Variants in CHST15 observed in about 807,000 individuals in gnomAD.
CHST15 encodes the protein carbohydrate sulfotransferase 15.
Under a neutral mutation model 53.6 loss-of-function variants are expected in CHST15, and 30 were observed. The ratio of observed to expected loss-of-function variants is 0.56; its 90% CI spans 0.42 to 0.76. The LOEUF (loss-of-function observed/expected upper bound fraction) is 0.76, where lower values mean the gene tolerates loss of function less well. Among genes scored for constraint, CHST15 ranks in the 30% least tolerant of loss-of-function variants. The pLI is 0.00. For synonymous variants in CHST15, 296 were observed against 289.8 expected (o/e 1.02, Z -0.22); for missense variants, 627 against 740.5 (o/e 0.85, Z 1.78).
rs1947889147 is a variant in CHST15, at chr10:124,044,656, A to G, written c.810T>C (p.Tyr270=). 3 of 1,611,538 alleles carry G rather than the reference A, an allele frequency of 1.9e-6. No homozygotes were observed. The highest frequency in any genetic ancestry group is 2.5e-6 in the Non-Finnish European group (3 of 1,178,752). The change falls in exon 3 of 8, where the codon TAT becomes TAC. Residue 270 remains tyrosine (Y), a synonymous_variant. Coordinates refer to ENST00000435907, the MANE Select transcript of CHST15 (RefSeq NM_001270764.2). ...GQPKCGTTDL[Y]DRLRLHPEVK... ...CCTCAGGGTGCAGCCGCAGGCGGTC[A>G]TAGAGGTCTGTGGTCCCGCACTTGG...
At chr10:124,014,279 G>A (rs1335588607) in intron 6 of CHST15, among the ~76,000 whole-genome samples, 1 of 152,212 alleles carries the variant, frequency 6.6e-6, no homozygotes, top group East Asian at 1.9e-4. Context: ...TGGTTCTCGG[G>A]TGCAACTGCT....
intron 7 of CHST15, chr10:124,011,536 G>T: frequency 1.0e-6 from 1 of 985,478 alleles, no homozygotes; most frequent in Non-Finnish European, 1.2e-6. Context: ...AGTCAGGGCT[G>T]CAGGAGGCGT....
intron 1 of CHST15, among the ~76,000 whole-genome samples, chr10:124,067,901 C>A (rs963266231): frequency 6.6e-6 from 1 of 152,184 alleles, no homozygotes; most frequent in Non-Finnish European, 1.5e-5. Context: ...AGGCGGGAGC[C>A]ACTGCGCCTG....
chr10:124,056,556 A>C (rs1260762373), intron 1 of CHST15, among the ~76,000 whole-genome samples: 1 of 152,196 alleles, frequency 6.6e-6, no homozygotes, highest in Middle Eastern at 3.2e-3. Flanking sequence ...AGGGGAAGGA[A>C]GGACAGAAAG....
intron 1 of CHST15, among the ~76,000 whole-genome samples, chr10:124,090,573 A>C (rs1949572530): frequency 1.3e-5 from 2 of 152,206 alleles, no homozygotes; most frequent in South Asian, 4.1e-4. Context: ...ACCTTTCCCC[A>C]AACACTTCTT....
At chr10:124,010,564 G>A in intron 7 of CHST15, 1 of 985,432 alleles carries the variant, frequency 1.0e-6, no homozygotes, top group Non-Finnish European at 1.2e-6. Flanking sequence ...GGTGCAGGAT[G>A]CCCACCCTCG....
At chr10:124,045,112 C>CAAAAAAAAAAACAA (rs1947916852) in intron 2 of CHST15, among the ~76,000 whole-genome samples, 193 bp from the exon 3 acceptor site, 1 of 33,800 alleles carries the variant, frequency 3.0e-5, no homozygotes, top group African/African-American at 7.5e-5. Flanking sequence ...CGCCGCCCCA[C>CAAAAAAAAAAACAA]AAAAAAAAAA....
chr10:124,064,106 G>A (rs1948678450), intron 1 of CHST15, among the ~76,000 whole-genome samples: 1 of 152,072 alleles, frequency 6.6e-6, no homozygotes. Flanking sequence ...ATAAGATCTG[G>A]AAAGAATTCA....
At chr10:124,031,192 A>G (rs1205274778) in intron 5 of CHST15, among the ~76,000 whole-genome samples, 1 of 152,220 alleles carries the variant, frequency 6.6e-6, no homozygotes, top group East Asian at 1.9e-4. Context: ...AGTCATTTAC[A>G]TGAAGCCTGG....
At chr10:124,043,637 A>G (rs1026989373) in intron 3 of CHST15, among the ~76,000 whole-genome samples, 1 of 152,250 alleles carries the variant, frequency 6.6e-6, no homozygotes, top group Non-Finnish European at 1.5e-5. Context: ...TACAGAGAGG[A>G]AACAGTGATC....
chr10:124,034,737 CCCCG>C, intron 5 of CHST15, among the ~76,000 whole-genome samples: 1 of 141,362 alleles, frequency 7.1e-6, no homozygotes, highest in Non-Finnish European at 1.6e-5. Context: ...CTAACAGGGA[CCCCG>C]GCTCCACCCC....
intron 5 of CHST15, among the ~76,000 whole-genome samples, chr10:124,022,818 T>C (rs1310238814): frequency 6.9e-6 from 1 of 145,256 alleles, no homozygotes; most frequent in Non-Finnish European, 1.5e-5. Flanking sequence ...TTTCTTTTTT[T>C]TTTTTTTTTT....
chr10:124,021,462 C>T (rs1434502361), intron 5 of CHST15, 50 bp from the exon 6 acceptor site: 3 of 1,566,874 alleles, frequency 1.9e-6, no homozygotes, highest in African/African-American at 1.4e-5. Context: ...CATGCAATCA[C>T]ACCATTTGGG....
chr10:124,038,463 T>C, intron 5 of CHST15, 52 bp downstream of exon 5: 1 of 1,590,076 alleles, frequency 6.3e-7, no homozygotes, highest in Middle Eastern at 1.7e-4. Context: ...GGAACACTGT[T>C]CTTCAAAAGT....
intron 1 of CHST15, among the ~76,000 whole-genome samples, chr10:124,056,493 G>A (rs1948384085): frequency 6.6e-6 from 1 of 152,208 alleles, no homozygotes; most frequent in African/African-American, 2.4e-5. Context: ...ACAGAGACAA[G>A]GGATGGGGGA....
At chr10:124,057,925 G>A (rs1397066092) in intron 1 of CHST15, among the ~76,000 whole-genome samples, 1 of 151,894 alleles carries the variant, frequency 6.6e-6, no homozygotes, top group Non-Finnish European at 1.5e-5. Flanking sequence ...TCTCAGCGAA[G>A]GGGCAGGGTG....
chr10:124,044,874 G>A lies in CHST15; in HGVS notation c.592C>T (p.Pro198Ser), dbSNP rs754701134. The A allele has an allele frequency of 1.0e-5, 15 of 1,465,876 alleles. No individual in the cohort carries two copies. The highest frequency in any genetic ancestry group is 1.8e-4 in the Middle Eastern group (1 of 5,440). The allele number at this position is 1,465,876 out of a possible 1,614,324, so 90.8% of individuals were successfully genotyped here. ...PNKFLPNSKSPCWYEEFSGQN... is the reference protein window; with the variant it reads ...PNKFLPNSKSSCWYEEFSGQN... ...CCCGAGAACTCCTCGTACCAACAGG[G>A]GCTCTTACTGTTTGGAAGGAATTTG... The change falls in exon 3 of 8, where the codon CCC (proline) becomes TCC (serine). Residue 198 changes from proline to serine, a missense_variant. Pro to Ser is a moderately conservative substitution (Grantham distance 74). Coordinates refer to ENST00000435907, the MANE Select transcript of CHST15 (RefSeq NM_001270764.2).
At chr10:124,045,631 C>T in intron 2 of CHST15, 36 bp downstream of exon 2, 1 of 1,513,054 alleles carries the variant, frequency 6.6e-7, no homozygotes, top group Non-Finnish European at 8.8e-7. Flanking sequence ...TTCTAAAAAT[C>T]AACCAATCAG....
In CHST15 at chr10:124,045,133, A is replaced by AAACAAAAAC. The variant is rs1564882303; in HGVS notation, c.547-215_547-214insGTTTTTGTT. On this transcript the variant is annotated intron_variant, in intron 2 of 7. Coordinates refer to ENST00000435907, the MANE Select transcript of CHST15 (RefSeq NM_001270764.2). ...CCCACAAAAAAAAAAAAAAAAAAAA[A>AAACAAAAAC]AAAAAAAAAAACTTGGAGAGAATAA... is the stretch of plus-strand genomic sequence containing the variant. Among the ~76,000 whole-genome samples, 67 of 145,780 alleles carry AAACAAAAAC rather than the reference A, an allele frequency of 4.6e-4. 1 individual carries two copies. Among genetic ancestry groups the AAACAAAAAC allele is most frequent in the African/African-American group, 1.5e-3 (56 of 37,426 alleles).
Sources: gnomAD v4.1 joint callset for allele counts (sites outside exome capture counted in the v4.1 genomes callset) on GRCh38, gnomAD v4.1.1 for gene constraint, MANE v1.5 for transcripts, NCBI Gene and HGNC (gene_info 2026-07-23, HGNC 2026-07-21) for gene names.